SYT14: variants seen among roughly 807,000 people sequenced by gnomAD.
The protein encoded by SYT14 is synaptotagmin-14.
SYT14 carries 32 observed loss-of-function variants against 74.2 expected under a neutral mutation model. The observed-to-expected ratio is 0.43, with a 90% CI of 0.33 to 0.58. The LOEUF (loss-of-function observed/expected upper bound fraction) is 0.58, where lower values mean the gene tolerates loss of function less well. Among genes scored for constraint, SYT14 ranks in the 20% least tolerant of loss-of-function variants. The pLI is 0.05. For missense variants in SYT14, 791 were observed against 981.8 expected, an observed-to-expected ratio of 0.81 and a Z score of 2.60; for synonymous variants, 298 against 337.7, an observed-to-expected ratio of 0.88 and a Z score of 1.29.
intron 2 of SYT14, among the ~76,000 whole-genome samples, chr1:210,003,561 A>AT (rs2079938324): frequency 6.6e-6 from 1 of 151,048 alleles, no homozygotes; most frequent in Non-Finnish European, 1.5e-5. Context: ...TAACAGCTAG[A>AT]TTTTTTACCT....
At chr1:209,993,057 T>G (rs2079721989) in intron 2 of SYT14, among the ~76,000 whole-genome samples, 1 of 152,202 alleles carries the variant, frequency 6.6e-6, no homozygotes, top group African/African-American at 2.4e-5. Flanking sequence ...CAGAGGGATC[T>G]TGCTGGGGAT....
chr1:210,018,760 CAT>C (rs1421941389), intron 4 of SYT14, among the ~76,000 whole-genome samples: 3 of 152,102 alleles, frequency 2.0e-5, no homozygotes, highest in African/African-American at 7.2e-5. Flanking sequence ...TTGTTTGACA[CAT>C]AGATTAACCC....
At chr1:210,162,279 A>G (rs1349586132) in exon 10 of SYT14, 1 of 438,324 alleles carries the variant, frequency 2.3e-6, no homozygotes, top group African/African-American at 2.0e-5. Flanking sequence ...TGAACGTTGT[A>G]TTTGCAAAAT....
intron 5 of SYT14, among the ~76,000 whole-genome samples, chr1:210,092,038 C>T (rs1423465474): frequency 1.3e-5 from 2 of 152,128 alleles, no homozygotes; most frequent in Non-Finnish European, 2.9e-5. Context: ...TAGGTATTAC[C>T]GTTTAATTCA....
intron 5 of SYT14, among the ~76,000 whole-genome samples, chr1:210,059,086 T>G (rs1229460375): frequency 6.6e-6 from 1 of 152,080 alleles, no homozygotes; most frequent in Non-Finnish European, 1.5e-5. Flanking sequence ...GTTAGAAACT[T>G]AGATATAGAG....
exon 4 of SYT14, chr1:210,016,234 A>C (rs983852666): frequency 8.1e-7 from 1 of 1,232,168 alleles, no homozygotes; most frequent in Non-Finnish European, 1.0e-6. Context: ...ATGCCGGGTT[A>C]ACAGAAGTCT....
At chr1:209,939,978 G>C (rs2078703153) in intron 1 of SYT14, among the ~76,000 whole-genome samples, 1 of 152,128 alleles carries the variant, frequency 6.6e-6, no homozygotes, top group Non-Finnish European at 1.5e-5. Context: ...TGAAGAATAA[G>C]ATTTTTTAAA....
intron 5 of SYT14, among the ~76,000 whole-genome samples, chr1:210,084,196 A>C (rs150655334): frequency 4.6e-5 from 7 of 152,346 alleles, no homozygotes; most frequent in Non-Finnish European, 8.8e-5. Context: ...CTTGCTCTGC[A>C]TGATACTCAA....
chr1:209,991,821 C>T (rs2079692237), intron 2 of SYT14, among the ~76,000 whole-genome samples: 1 of 150,576 alleles, frequency 6.6e-6, no homozygotes, highest in Non-Finnish European at 1.5e-5. Context: ...TAAAGCGAGA[C>T]TCCGTCTCGA....
At chr1:209,949,967 T>C (rs2078886187) in intron 1 of SYT14, among the ~76,000 whole-genome samples, 1 of 152,190 alleles carries the variant, frequency 6.6e-6, no homozygotes, top group Admixed American at 6.5e-5. Context: ...TGAATGCTTT[T>C]AAAAGTGGGA....
At chr1:210,099,513 T>A (rs1276552659) in intron 6 of SYT14, among the ~76,000 whole-genome samples, 2 of 152,210 alleles carry the variant, frequency 1.3e-5, no homozygotes, top group Non-Finnish European at 2.9e-5. Context: ...TTTTTAAGTC[T>A]AAATATCTTT....
At chr1:209,980,831 G>A (rs1369825133) in intron 2 of SYT14, among the ~76,000 whole-genome samples, 2 of 152,322 alleles carry the variant, frequency 1.3e-5, no homozygotes, top group South Asian at 4.1e-4. Context: ...CCAGTACCAA[G>A]CTGTTTTGGC....
chr1:210,125,225 C>G (rs188745474), intron 7 of SYT14, among the ~76,000 whole-genome samples: 244 of 151,952 alleles, frequency 1.6e-3, no homozygotes, highest in African/African-American at 5.6e-3. Flanking sequence ...CCACCCTCCC[C>G]CCTTTTGAAA....
At chr1:209,958,198 C>T (rs1304744263) in intron 2 of SYT14, among the ~76,000 whole-genome samples, 1 of 152,180 alleles carries the variant, frequency 6.6e-6, no homozygotes, top group African/African-American at 2.4e-5. Flanking sequence ...AGTGCCACCT[C>T]TGCTACCTCT....
intron 7 of SYT14, among the ~76,000 whole-genome samples, chr1:210,101,941 C>T (rs755936372): frequency 6.6e-6 from 1 of 152,154 alleles, no homozygotes; most frequent in Non-Finnish European, 1.5e-5. Flanking sequence ...GAAAATAATA[C>T]TGTCTTATCT....
chr1:210,151,815 A>C (rs78234700), intron 7 of SYT14, among the ~76,000 whole-genome samples: 1 of 152,284 alleles, frequency 6.6e-6, no homozygotes, highest in African/African-American at 2.4e-5. Flanking sequence ...TTTGAAGATA[A>C]CGATTTTCAC....
chr1:210,020,617 G>C (rs1360608305), intron 4 of SYT14, among the ~76,000 whole-genome samples: 1 of 152,094 alleles, frequency 6.6e-6, no homozygotes, highest in East Asian at 1.9e-4. Flanking sequence ...TGAGTTATTT[G>C]AATCAGAGCT....
intron 2 of SYT14, chr1:209,953,305 G>C (rs1056985381): frequency 8.0e-7 from 1 of 1,243,940 alleles, no homozygotes; most frequent in South Asian, 1.3e-5. Context: ...GTATTCTCTA[G>C]ATTTGGAAGA....
At chr1:209,999,723 T>G (rs2079859910) in intron 2 of SYT14, among the ~76,000 whole-genome samples, 1 of 151,854 alleles carries the variant, frequency 6.6e-6, no homozygotes, top group Non-Finnish European at 1.5e-5. Context: ...AGGTAGAGAG[T>G]AGAATAGTAA....
Sources: allele counts gnomAD v4.1 joint callset (sites outside exome capture counted in the v4.1 genomes callset), GRCh38; gene constraint gnomAD v4.1.1; transcripts MANE v1.5; gene names NCBI Gene and HGNC (gene_info 2026-07-23, HGNC 2026-07-21).